RABL2A: variants seen among roughly 807,000 people sequenced by gnomAD.
RABL2A encodes RAB, member of RAS oncogene family like 2A.
A neutral mutation model predicts 30.7 loss-of-function variants in RABL2A; 17 were observed. The observed-to-expected ratio is 0.55, with a 90% CI of 0.38 to 0.83. The LOEUF is 0.83. RABL2A is among the 40% of genes least tolerant of loss of function. The probability of loss-of-function intolerance (pLI) is 0.00; values close to 1 mark genes in which losing one functional copy is unlikely to be tolerated. For missense variants in RABL2A, 155 were observed against 272.6 expected (o/e 0.57, Z 3.04); for synonymous variants, 64 against 101.8 (o/e 0.63, Z 2.24).
At chr2:113,629,388 A>G (rs1486566776) in intron 2 of RABL2A, among the ~76,000 whole-genome samples, 4 of 152,126 alleles carry the variant, frequency 2.6e-5, no homozygotes, top group African/African-American at 9.7e-5. Flanking sequence ...CTTCATTTTT[A>G]TAGTCAAGTC....
intron 6 of RABL2A, 32 bp downstream of exon 6, chr2:113,641,037 A>G (rs768708237): frequency 3.7e-6 from 6 of 1,600,102 alleles, no homozygotes; most frequent in South Asian, 1.1e-5. Flanking sequence ...GGTGTTAGCA[A>G]TTCACTGGGG....
intron 1 of RABL2A, 145 bp from the exon 2 acceptor site, chr2:113,628,409 C>A (rs1665304): frequency 0.31 from 128,931 of 416,892 alleles, 40,098 homozygotes; most frequent in African/African-American, 0.8. Context: ...TGTGTGTCAT[C>A]CTCTGCTACT....
Position 113,642,362 on chromosome 2 carries a change from A to G in RABL2A, c.*233A>G. The G allele has an allele frequency of 1.9e-6, 2 of 1,055,866 alleles. No individual in the cohort carries two copies. The highest frequency in any genetic ancestry group is 2.7e-6 in the Non-Finnish European group (2 of 749,388). The allele number at this position is 1,055,866 out of a possible 1,614,324, so 65.4% of individuals were successfully genotyped here. ...AGATCTCCTTGAAGCAGAATTAGGG[A>G]TCAGCATCATTAACACCTTCCCCAC... On this transcript the variant is annotated 3_prime_UTR_variant, in exon 9 of 9. Transcript: ENST00000683472.
Position 113,636,433 on chromosome 2 carries a change from G to A in RABL2A, c.297+1303G>A, listed in dbSNP as rs80037264. Among the ~76,000 whole-genome samples the A allele has an allele frequency of 5.8e-3, 882 of 152,314 alleles. 7 individuals carry two copies. The highest frequency in any genetic ancestry group is 0.019 in the African/African-American group (801 of 41,566). On this transcript the variant is annotated intron_variant, in intron 5 of 8. Coordinates refer to ENST00000683472, the MANE Select transcript of RABL2A (RefSeq NM_001306158.2). Reference sequence around the variant, plus strand: ...GGACCACCAGCAGGTTCTACTCCCCGTGTTTCTTCACAGTTTGTCAGTTGG... The same window carrying A: ...GGACCACCAGCAGGTTCTACTCCCCATGTTTCTTCACAGTTTGTCAGTTGG...
At chr2:113,633,086 T>G in intron 3 of RABL2A, 142 bp downstream of exon 3, 1 of 1,342,738 alleles carries the variant, frequency 7.4e-7, no homozygotes, top group Non-Finnish European at 1.1e-6. Context: ...GGTTTTGTTC[T>G]GCACTTGTTT....
At chr2:113,634,549 T>C (rs1328164925) in intron 4 of RABL2A, 1 of 459,756 alleles carries the variant, frequency 2.2e-6, no homozygotes, top group African/African-American at 2.0e-5. Flanking sequence ...GAGGCAGTAG[T>C]TTTCCTAGCT....
At chr2:113,628,892 G>A (rs934078506) in intron 2 of RABL2A, among the ~76,000 whole-genome samples, 179 bp downstream of exon 2, 6 of 152,180 alleles carry the variant, frequency 3.9e-5, no homozygotes, top group African/African-American at 1.4e-4. Context: ...TGTGTCGGGT[G>A]GAGGGGGCAG....
Position 113,641,355 on chromosome 2 carries a change from G to C in RABL2A, c.412G>C (p.Asp138His). 1 of 1,613,684 alleles carries C rather than the reference G, an allele frequency of 6.2e-7. No individual in the cohort carries two copies. Among genetic ancestry groups the C allele is most frequent in the Non-Finnish European group, 8.5e-7 (1 of 1,179,996 alleles). Residue 138 changes from aspartate to histidine, a missense_variant and splice_region_variant, in exon 7 of 9, where the codon GAC becomes CAC. By Grantham distance (81) the Asp-to-His change is moderately conservative. This residue lies in a region of RABL2A where 33 missense variants were observed against 30.7 expected (regional missense o/e 1.08). Coordinates refer to ENST00000683472, the MANE Select transcript of RABL2A (RefSeq NM_001306158.2). ...CIVVANKIDA[D>H]INVTQKSFNF... Reference sequence around the variant, plus strand: ...AATGTCCTACCTTCTCTCTACAGCAGACATAAACGTGACCCAAAAAAGCTT... The same window carrying C: ...AATGTCCTACCTTCTCTCTACAGCACACATAAACGTGACCCAAAAAAGCTT...
chr2:113,635,419 C>CGTGG (rs1682202200), intron 5 of RABL2A: 1 of 477,706 alleles, frequency 2.1e-6, no homozygotes, highest in African/African-American at 2.0e-5. Context: ...AACAGGGCCA[C>CGTGG]AGTCCCTCTG....
At chr2:113,632,692 G>A (rs1384358620) in intron 2 of RABL2A, among the ~76,000 whole-genome samples, 1 of 152,232 alleles carries the variant, frequency 6.6e-6, no homozygotes, top group Non-Finnish European at 1.5e-5. Flanking sequence ...AGCTTCACGT[G>A]GGCTGGTGTG....
At chr2:113,634,764 A>G in intron 4 of RABL2A, 1 of 498,610 alleles carries the variant, frequency 2.0e-6, no homozygotes, top group Non-Finnish European at 3.7e-6. Flanking sequence ...CACGTGGGAA[A>G]CGGGGAACTG....
intron 5 of RABL2A, chr2:113,640,641 T>G (rs1255370269): frequency 2.1e-6 from 1 of 477,464 alleles, no homozygotes; most frequent in Admixed American, 3.6e-5. Context: ...CCTCCCAAAG[T>G]GCTGGGATTA....
rs370021349 is a variant in RABL2A at position 113,632,919 on chromosome 2, A to C, written c.112A>C (p.Met38Leu). The C allele has an allele frequency of 8.0e-5, 129 of 1,614,192 alleles. No individual in the cohort carries two copies. In the African/African-American group the frequency reaches 1.3e-3, roughly 17 times the overall value. Residue 38 changes from methionine (M) to leucine (L), a missense_variant, in exon 3 of 9, where the codon ATG (methionine) becomes CTG (leucine). Met to Leu is a conservative substitution (Grantham distance 15). Around this residue, in one of 5 missense-constraint regions of RABL2A, gnomAD observed 82 missense variants for 103.2 expected, o/e 0.79. Coordinates refer to ENST00000683472, the MANE Select transcript of RABL2A (RefSeq NM_001306158.2). Reference sequence around the variant, plus strand: ...CCTTGCCTGTTCTGCTTACAGACTCATGGAGAGATTTCTCATGGATGGCTT... The same window carrying C: ...CCTTGCCTGTTCTGCTTACAGACTCCTGGAGAGATTTCTCATGGATGGCTT... Reference protein sequence around the residue: ...GDSAVGKSKLMERFLMDGFQP... With the variant: ...GDSAVGKSKLLERFLMDGFQP...
intron 5 of RABL2A, chr2:113,637,897 T>C (rs1243501658): frequency 7.9e-7 from 1 of 1,271,326 alleles, no homozygotes; most frequent in African/African-American, 1.5e-5. Flanking sequence ...CATGCCTGTG[T>C]CTGCAGGTGC....
intron 5 of RABL2A, chr2:113,637,757 C>G (rs1683492896): frequency 7.9e-7 from 1 of 1,268,190 alleles, no homozygotes; most frequent in African/African-American, 1.6e-5. Context: ...GGTTTCAGGC[C>G]TACAGTGGCA....
chr2:113,640,523 G>T, intron 5 of RABL2A: 1 of 301,218 alleles, frequency 3.3e-6, no homozygotes, highest in South Asian at 3.1e-5. Context: ...TTACCGGCAT[G>T]CGCCACCACG....
chr2:113,632,656 GCT>G (rs1172906989), intron 2 of RABL2A, among the ~76,000 whole-genome samples: 2 of 152,258 alleles, frequency 1.3e-5, no homozygotes, highest in African/African-American at 4.8e-5. Context: ...GCAGAACTGT[GCT>G]CTGGTGGAAA....
At chr2:113,632,465 TTTTG>T (rs1487549877) in intron 2 of RABL2A, among the ~76,000 whole-genome samples, 7 of 152,212 alleles carry the variant, frequency 4.6e-5, no homozygotes, top group African/African-American at 1.7e-4. Flanking sequence ...CTGGCTAATT[TTTTG>T]TATCTTTAGT....
Position 113,642,600 on chromosome 2 carries a change from C to G in RABL2A, c.*471C>G, listed in dbSNP as rs1346823215. ...CCCCATCCTTTCCCTACGTTTTCTC[C>G]CATCTTTTTTCCTCTTCAATCTCCC... is the stretch of plus-strand genomic sequence containing the variant. On this transcript the variant is annotated 3_prime_UTR_variant, in exon 9 of 9. Transcript: ENST00000683472. 1 of 213,344 alleles carries G rather than the reference C, an allele frequency of 4.7e-6. No individual in the cohort carries two copies. The highest frequency in any genetic ancestry group is 1.4e-4 in the East Asian group (1 of 6,902). 13.2% of individuals were successfully genotyped at this position (213,344 alleles called of 1,614,324 possible). A position where few individuals can be genotyped will look rare whatever the true frequency, so the allele number is the denominator to read the frequency against.
Sources: gnomAD v4.1 joint callset for allele counts (sites outside exome capture counted in the v4.1 genomes callset) on GRCh38, gnomAD v4.1.1 for gene constraint, gnomAD v4.1.1 regional missense constraint, MANE v1.5 for transcripts, NCBI Gene and HGNC (gene_info 2026-07-23, HGNC 2026-07-21) for gene names.